Variants in MARCHF1 observed in about 807,000 individuals in gnomAD.
MARCHF1 encodes the protein membrane associated ring-CH-type finger 1.
MARCHF1 carries 40 observed loss-of-function variants against 54.2 expected under a neutral mutation model. That is an observed-to-expected ratio of 0.74 (90% CI 0.57 to 0.96). MARCHF1 has a LOEUF of 0.96. Among genes scored for constraint, MARCHF1 ranks in the 40% least tolerant of loss-of-function variants. MARCHF1 has a pLI of 0.00. For synonymous variants in MARCHF1, 236 were observed against 236.3 expected (o/e 1.00, Z 0.01); for missense variants, 586 against 656.5 (o/e 0.89, Z 1.17).
intron 1 of MARCHF1, among the ~76,000 whole-genome samples, chr4:164,300,665 C>T (rs879346896): frequency 9.2e-5 from 14 of 152,200 alleles, no homozygotes; most frequent in Non-Finnish European, 1.6e-4. Flanking sequence ...CCTCACCCTC[C>T]GACTAGCTGG....
At chr4:163,777,661 G>T (rs1006588023) in intron 4 of MARCHF1, among the ~76,000 whole-genome samples, 1 of 152,020 alleles carries the variant, frequency 6.6e-6, no homozygotes, top group East Asian at 1.9e-4. Flanking sequence ...ATTTTTAGGG[G>T]TATAAAGATA....
At chr4:163,858,562 T>C (rs1749832987) in intron 3 of MARCHF1, among the ~76,000 whole-genome samples, 1 of 152,226 alleles carries the variant, frequency 6.6e-6, no homozygotes, top group Non-Finnish European at 1.5e-5. Context: ...AGAGATTTTA[T>C]GTATTTATTT....
intron 4 of MARCHF1, among the ~76,000 whole-genome samples, chr4:163,764,168 T>C (rs904483759): frequency 1.3e-5 from 2 of 152,024 alleles, no homozygotes; most frequent in Non-Finnish European, 2.9e-5. Context: ...TGTTCCAGCA[T>C]TTTGGATTCA....
intron 1 of MARCHF1, among the ~76,000 whole-genome samples, chr4:164,150,419 G>T (rs913228290): frequency 4.5e-4 from 69 of 152,264 alleles, no homozygotes; most frequent in African/African-American, 1.5e-3. Flanking sequence ...TCTGCAAATA[G>T]GTCGTTACAT....
chr4:163,588,848 A>G (rs1740492354), intron 7 of MARCHF1, among the ~76,000 whole-genome samples: 1 of 152,310 alleles, frequency 6.6e-6, no homozygotes, highest in African/African-American at 2.4e-5. Context: ...GAAAATGGTC[A>G]TAGATCTCTG....
chr4:164,062,713 G>A (rs1194117474), intron 2 of MARCHF1, among the ~76,000 whole-genome samples: 2 of 151,930 alleles, frequency 1.3e-5, no homozygotes, highest in Non-Finnish European at 1.5e-5. Context: ...TAGTAGAGAC[G>A]GGGTTTCACC....
At chr4:163,856,188 C>T (rs940335285) in intron 3 of MARCHF1, among the ~76,000 whole-genome samples, 1 of 152,160 alleles carries the variant, frequency 6.6e-6, no homozygotes, top group Non-Finnish European at 1.5e-5. Flanking sequence ...AAACTTTTGG[C>T]TACACCTGCT....
At chr4:163,546,474 G>A (rs1004508448) in intron 8 of MARCHF1, among the ~76,000 whole-genome samples, 5 of 152,158 alleles carry the variant, frequency 3.3e-5, no homozygotes, top group Middle Eastern at 3.2e-3. Flanking sequence ...GTTATACGTA[G>A]TAATAGGTAA....
At chr4:163,897,364 T>C (rs1750833366) in intron 3 of MARCHF1, among the ~76,000 whole-genome samples, 5 of 152,182 alleles carry the variant, frequency 3.3e-5, no homozygotes, top group Admixed American at 3.3e-4. Context: ...GAGCCCATTA[T>C]TATAATCACT....
intron 1 of MARCHF1, among the ~76,000 whole-genome samples, chr4:164,311,932 A>T (rs547362462): frequency 1.3e-5 from 2 of 152,086 alleles, no homozygotes; most frequent in African/African-American, 4.8e-5. Context: ...TCTTCTCTTA[A>T]ATTTGGGCTA....
intron 2 of MARCHF1, among the ~76,000 whole-genome samples, chr4:164,011,738 G>A (rs1278755030): frequency 6.6e-6 from 1 of 152,162 alleles, no homozygotes; most frequent in Non-Finnish European, 1.5e-5. Context: ...ACTAAGAATA[G>A]CACCTTCAAT....
chr4:163,659,211 G>T (rs921834473), intron 5 of MARCHF1, among the ~76,000 whole-genome samples: 5 of 151,706 alleles, frequency 3.3e-5, no homozygotes, highest in Non-Finnish European at 5.9e-5. Flanking sequence ...TAAATCTAAG[G>T]ATTCATGATT....
chr4:163,655,765 CACA>C (rs911899866), intron 5 of MARCHF1, among the ~76,000 whole-genome samples: 1 of 151,954 alleles, frequency 6.6e-6, no homozygotes, highest in African/African-American at 2.4e-5. Context: ...CTCAAAACCA[CACA>C]ACTACATCGA....
At chr4:164,125,119 T>TA (rs1299987126) in intron 1 of MARCHF1, among the ~76,000 whole-genome samples, 1 of 152,076 alleles carries the variant, frequency 6.6e-6, no homozygotes, top group African/African-American at 2.4e-5. Flanking sequence ...AACTGAATGA[T>TA]AAAAAACTTA....
chr4:163,660,100 A>G (rs1008694824), intron 5 of MARCHF1, among the ~76,000 whole-genome samples: 5 of 152,140 alleles, frequency 3.3e-5, no homozygotes. Flanking sequence ...AGACACATGT[A>G]CATGTACGTT....
chr4:163,594,278 T>G (rs552297917), intron 7 of MARCHF1, among the ~76,000 whole-genome samples: 1 of 152,182 alleles, frequency 6.6e-6, no homozygotes, highest in South Asian at 2.1e-4. Flanking sequence ...GGTAATTTGG[T>G]AACATTATGT....
intron 5 of MARCHF1, among the ~76,000 whole-genome samples, chr4:163,679,759 C>T (rs1255018214): frequency 6.6e-6 from 1 of 151,810 alleles, no homozygotes; most frequent in Non-Finnish European, 1.5e-5. Flanking sequence ...ACTACGGGCG[C>T]CCACCACCAC....
chr4:164,030,818 T>G (rs1480133933), intron 2 of MARCHF1, among the ~76,000 whole-genome samples: 1 of 152,148 alleles, frequency 6.6e-6, no homozygotes, highest in African/African-American at 2.4e-5. Flanking sequence ...AAATTTTTAC[T>G]GAGAAGGTGA....
intron 4 of MARCHF1, among the ~76,000 whole-genome samples, chr4:163,730,354 A>C (rs1429210104): frequency 6.6e-6 from 1 of 152,058 alleles, no homozygotes; most frequent in Non-Finnish European, 1.5e-5. Context: ...CAGCTCTTTT[A>C]AAGTCTTTGT....
Sources: allele counts gnomAD v4.1 joint callset (sites outside exome capture counted in the v4.1 genomes callset), GRCh38; gene constraint gnomAD v4.1.1; transcripts MANE v1.5; gene names NCBI Gene and HGNC (gene_info 2026-07-23, HGNC 2026-07-21).